The following MTMR6 variants were observed in gnomAD, a reference collection of about 807,000 sequenced individuals.
MTMR6 encodes phosphatidylinositol-3,5-bisphosphate 3-phosphatase MTMR6.
A neutral mutation model predicts 80.1 loss-of-function variants in MTMR6; 47 were observed. The ratio of observed to expected loss-of-function variants is 0.59; its 90% CI spans 0.46 to 0.75. The LOEUF is 0.75. MTMR6 is among the 30% of genes least tolerant of loss of function. The pLI is 0.00. For synonymous variants in MTMR6, 254 were observed against 253.0 expected (o/e 1.00, Z -0.04); for missense variants, 629 against 730.9 (o/e 0.86, Z 1.61).
Position 25,266,246 on chromosome 13 carries a change from T to C in MTMR6, c.345A>G (p.Lys115=), listed in dbSNP as rs2137569835. The C allele has an allele frequency of 6.2e-7, 1 of 1,613,590 alleles. No homozygotes were observed. Among genetic ancestry groups the C allele is most frequent in the Non-Finnish European group, 8.5e-7 (1 of 1,179,488 alleles). ...EDLYAFSYNP[K]QNDSERLQGW... ...CTTGTAGTCGTTCTGAATCATTTTG[T>C]TTGGGATTATAAGAAAATGCATAGA... The change falls in exon 4 of 14, where the codon AAA becomes AAG. Residue 115 remains lysine (K), a synonymous_variant. Coordinates refer to ENST00000381801, the MANE Select transcript of MTMR6 (RefSeq NM_004685.5).
chr13:25,272,202 G>A (rs1957594360), intron 2 of MTMR6, among the ~76,000 whole-genome samples: 1 of 152,092 alleles, frequency 6.6e-6, no homozygotes, highest in African/African-American at 2.4e-5. Flanking sequence ...TAAGCTTTTA[G>A]AAGAAAATAT....
chr13:25,262,105 G>A (rs1374475276), intron 5 of MTMR6, among the ~76,000 whole-genome samples: 1 of 152,110 alleles, frequency 6.6e-6, no homozygotes, highest in African/African-American at 2.4e-5. Flanking sequence ...TTCATTCTGC[G>A]CTCCATTTAG....
intron 6 of MTMR6, among the ~76,000 whole-genome samples, chr13:25,259,327 G>A (rs1365396064): frequency 6.6e-6 from 1 of 152,180 alleles, no homozygotes; most frequent in Non-Finnish European, 1.5e-5. Context: ...TTAGCTATTA[G>A]ATCAAAATGT....
chr13:25,261,134 C>A (rs949222422), intron 6 of MTMR6, among the ~76,000 whole-genome samples: 2 of 150,718 alleles, frequency 1.3e-5, no homozygotes, highest in African/African-American at 4.9e-5. Context: ...ATGGTGAAAC[C>A]CCATCTCTAC....
In MTMR6 at chr13:25,258,616, A is replaced by G. The variant is rs990707587; in HGVS notation, c.803T>C (p.Phe268Ser). Residue 268 changes from phenylalanine (F) to serine (S), a missense_variant, in exon 7 of 14, where the codon TTT (phenylalanine) becomes TCT (serine). Coordinates refer to ENST00000381801, the MANE Select transcript of MTMR6 (RefSeq NM_004685.5). ...EDNYSNIRFQ[F>S]VGIENIHVMR... ...GACATGAATATTTTCAATTCCAACA[A>G]ACTGAAATCTAATATTGGAATAGTT... The G allele has an allele frequency of 6.3e-6, 10 of 1,599,292 alleles. No homozygotes were observed. Among genetic ancestry groups the G allele is most frequent in the Non-Finnish European group, 8.5e-6 (10 of 1,175,836 alleles).
chr13:25,253,966 TA>T lies in MTMR6; in HGVS notation c.1146-3del, dbSNP rs533102863. 823 of 1,614,004 alleles carry T rather than the reference TA, an allele frequency of 5.1e-4. 6 individuals carry two copies. In the African/African-American group the frequency reaches 9.8e-3, roughly 19 times the overall value. ...GGGTCACCATCCAACTGGCCACACC[TA>T]ACCCCACAGAAAGTATAAGCTTTTA... On this transcript the variant is annotated splice_polypyrimidine_tract_variant and splice_region_variant and intron_variant, in intron 10 of 13. Transcript: ENST00000381801.
chr13:25,277,822 T>C (rs1452724460), intron 1 of MTMR6, among the ~76,000 whole-genome samples: 1 of 152,204 alleles, frequency 6.6e-6, no homozygotes, highest in Non-Finnish European at 1.5e-5. Flanking sequence ...CCTCTAGAAC[T>C]GTATAGTTCT....
intron 3 of MTMR6, among the ~76,000 whole-genome samples, chr13:25,266,708 T>C (rs141857627): frequency 4.4e-4 from 67 of 152,332 alleles, no homozygotes; most frequent in Admixed American, 1.2e-3. Flanking sequence ...TATAGGACAC[T>C]GTTGACTAAA....
intron 1 of MTMR6, among the ~76,000 whole-genome samples, chr13:25,276,441 G>A (rs78409415): frequency 8.1e-4 from 123 of 152,282 alleles, no homozygotes; most frequent in African/African-American, 2.8e-3. Flanking sequence ...ATTTAAATAG[G>A]AAGTTTGCTT....
intron 7 of MTMR6, 56 bp from the exon 8 acceptor site, chr13:25,257,901 T>A: frequency 7.9e-7 from 1 of 1,264,902 alleles, no homozygotes; most frequent in South Asian, 1.3e-5. Flanking sequence ...TCTGCATTTC[T>A]TTTTTCAAGA....
rs1228462330 is a variant in MTMR6 at position 25,251,373 on chromosome 13, AATG to A, written c.1605+273_1605+275del. On this transcript the variant is annotated intron_variant, in intron 13 of 13. Coordinates refer to ENST00000381801, the MANE Select transcript of MTMR6 (RefSeq NM_004685.5). This position sits in a 1 kb window ranked among gnomAD's most constrained non-coding sequence, Gnocchi z 4.1. ...AGAAAGATCTGAGGCATATATAGTA[AATG>A]TTAAAATCCCACAAAAGCTAGCTGG... Among the ~76,000 whole-genome samples the A allele has an allele frequency of 6.6e-6, 1 of 152,214 alleles. No individual in the cohort carries two copies. Among genetic ancestry groups the A allele is most frequent in the Non-Finnish European group, 1.5e-5 (1 of 68,040 alleles).
chr13:25,267,302 C>T (rs1566039941), intron 3 of MTMR6, among the ~76,000 whole-genome samples: 1 of 149,366 alleles, frequency 6.7e-6, no homozygotes, highest in Non-Finnish European at 1.5e-5. Flanking sequence ...CTCAACCTTA[C>T]TTCTACTAAA....
intron 3 of MTMR6, among the ~76,000 whole-genome samples, chr13:25,267,267 GTTC>G (rs1430312394): frequency 6.7e-6 from 1 of 148,422 alleles, no homozygotes; most frequent in African/African-American, 2.5e-5. Context: ...AAAAAAAAAG[GTTC>G]TTCTTTAGGA....
rs1957006461 is a variant in MTMR6 at position 25,247,660 on chromosome 13, T to C, written c.*1572A>G. The C allele has an allele frequency of 1.3e-5, 2 of 152,222 alleles. No individual in the cohort carries two copies. The highest frequency in any genetic ancestry group is 6.5e-5 in the Admixed American group (1 of 15,284). 9.4% of individuals were successfully genotyped at this position (152,222 alleles called of 1,614,324 possible). ...TTGGTTAATCACATACTATATTTTA[T>C]AGTGCATTTCTGTTGCTGTTTAAAA... is the stretch of plus-strand genomic sequence containing the variant. On this transcript the variant is annotated 3_prime_UTR_variant, in exon 14 of 14. Transcript: ENST00000381801.
In MTMR6 at chr13:25,272,746, T is replaced by C. The variant is rs73464630; in HGVS notation, c.141+1325A>G. 6.3e-3 allele frequency among the ~76,000 whole-genome samples: 955 copies of C among 152,338 alleles called. 11 individuals carry two copies. The highest frequency in any genetic ancestry group is 0.021 in the African/African-American group (882 of 41,572). On this transcript the variant is annotated intron_variant, in intron 2 of 13. Transcript: ENST00000381801. ...TTCATTTAGAATAATGGCTTCCACCTGCATCCATGTTGCTGTAAAGGCCAT... is the reference window on the plus strand; with the variant it reads ...TTCATTTAGAATAATGGCTTCCACCCGCATCCATGTTGCTGTAAAGGCCAT...
intron 2 of MTMR6, among the ~76,000 whole-genome samples, chr13:25,271,104 C>T (rs1474179205): frequency 6.6e-6 from 1 of 151,952 alleles, no homozygotes; most frequent in African/African-American, 2.4e-5. Context: ...GCCATTCCTC[C>T]CCCCCTTCCT....
At chr13:25,254,274 C>T in intron 10 of MTMR6, 111 bp downstream of exon 10, 1 of 795,384 alleles carries the variant, frequency 1.3e-6, no homozygotes, top group Non-Finnish European at 2.1e-6. Flanking sequence ...AAAACCATGA[C>T]ACTCTTACCT....
chr13:25,267,157 G>T (rs1957474854), intron 3 of MTMR6, among the ~76,000 whole-genome samples: 1 of 149,318 alleles, frequency 6.7e-6, no homozygotes, highest in Non-Finnish European at 1.5e-5. Flanking sequence ...CTGAGGCAGG[G>T]AACTGCTTGA....
intron 9 of MTMR6, among the ~76,000 whole-genome samples, chr13:25,255,275 C>T (rs966538354): frequency 2.6e-5 from 4 of 152,366 alleles, no homozygotes; most frequent in Non-Finnish European, 5.9e-5. Flanking sequence ...CCCAGCTTCA[C>T]CACTTTGTGT....
Sources: allele counts gnomAD v4.1 joint callset (sites outside exome capture counted in the v4.1 genomes callset), GRCh38; gene constraint gnomAD v4.1.1; non-coding constraint Gnocchi (gnomAD v3.1); transcripts MANE v1.5; gene names NCBI Gene and HGNC (gene_info 2026-07-23, HGNC 2026-07-21).